RPH3A: variants seen among roughly 807,000 people sequenced by gnomAD.
RPH3A encodes rabphilin 3A, also known as rabphilin-3A.
In RPH3A, 48 loss-of-function variants were observed where a neutral mutation model predicts 102.2. The ratio of observed to expected loss-of-function variants is 0.47; its 90% CI spans 0.37 to 0.60. The LOEUF (loss-of-function observed/expected upper bound fraction) is 0.60, where lower values mean the gene tolerates loss of function less well. Among genes scored for constraint, RPH3A ranks in the 20% least tolerant of loss-of-function variants. RPH3A has a pLI of 0.00. For missense variants in RPH3A, 781 were observed against 910.1 expected (o/e 0.86, Z 1.83); for synonymous variants, 310 against 324.3 (o/e 0.96, Z 0.47).
intron 1 of RPH3A, among the ~76,000 whole-genome samples, chr12:112,660,074 A>C (rs543169188): frequency 2.0e-5 from 3 of 152,332 alleles, no homozygotes; most frequent in African/African-American, 7.2e-5. Context: ...ATGGATATGA[A>C]TATATAAGCA....
At chr12:112,675,051 G>T (rs888922087) in intron 1 of RPH3A, among the ~76,000 whole-genome samples, 65 of 152,192 alleles carry the variant, frequency 4.3e-4, no homozygotes, top group Non-Finnish European at 6.9e-4. Flanking sequence ...GGCAGCCTTT[G>T]CAGAAGCATT....
intron 1 of RPH3A, among the ~76,000 whole-genome samples, chr12:112,777,450 C>T (rs10744783): frequency 0.8 from 121,337 of 152,194 alleles, 48,418 homozygotes; most frequent in African/African-American, 0.84. Context: ...TGAATGCAGA[C>T]GCCACTGTGT....
chr12:112,825,694 C>A (rs2041856819), intron 2 of RPH3A, among the ~76,000 whole-genome samples: 1 of 152,110 alleles, frequency 6.6e-6, no homozygotes, highest in Non-Finnish European at 1.5e-5. Context: ...AGACTCTATG[C>A]TAGTGTTGGA....
intron 1 of RPH3A, among the ~76,000 whole-genome samples, chr12:112,640,182 G>A (rs576066900): frequency 4.8e-4 from 72 of 151,218 alleles, no homozygotes; most frequent in African/African-American, 1.7e-3. Flanking sequence ...AAAATCAGCC[G>A]GGCGTGGTGG....
chr12:112,730,945 A>T (rs1171725412), intron 1 of RPH3A, among the ~76,000 whole-genome samples: 2 of 152,202 alleles, frequency 1.3e-5, no homozygotes, highest in African/African-American at 4.8e-5. Context: ...CAGCTCTTGT[A>T]GGCTGCTACA....
intron 1 of RPH3A, among the ~76,000 whole-genome samples, chr12:112,656,310 T>A (rs1721635273): frequency 6.6e-6 from 1 of 152,254 alleles, no homozygotes; most frequent in Non-Finnish European, 1.5e-5. Context: ...TCCTTTGACG[T>A]CATAGATAAA....
intron 19 of RPH3A, chr12:112,893,250 T>G (rs1459590392): frequency 6.6e-6 from 1 of 152,234 alleles, no homozygotes; most frequent in African/African-American, 2.4e-5. Context: ...AAGCCAGAAC[T>G]TCCCATTATT....
Position 112,654,908 on chromosome 12 carries a change from C to T in RPH3A, c.-140+79589C>T, listed in dbSNP as rs117017398. ...GAGCATTATCAACACTAAGCAAAAT[C>T]GTGAAAGGCTTGTTCTTCTCCTCTA... On this transcript the variant is annotated intron_variant, in intron 1 of 21. Coordinates refer to the RPH3A transcript ENST00000543106. 2.4e-3 allele frequency among the ~76,000 whole-genome samples: 358 copies of T among 152,296 alleles called. 1 individual carries two copies. Among genetic ancestry groups the T allele is most frequent in the Non-Finnish European group, 2.6e-3 (177 of 68,026 alleles).
At chr12:112,645,710 T>C (rs922902683) in intron 1 of RPH3A, among the ~76,000 whole-genome samples, 4 of 152,188 alleles carry the variant, frequency 2.6e-5, no homozygotes, top group African/African-American at 9.6e-5. Flanking sequence ...GTCTCTTAAG[T>C]ATCTTCACAG....
chr12:112,854,524 T>C (rs1378503371), intron 5 of RPH3A, among the ~76,000 whole-genome samples: 1 of 152,238 alleles, frequency 6.6e-6, no homozygotes, highest in Non-Finnish European at 1.5e-5. Context: ...GTTTAGCAGC[T>C]TGCCCAGAGT....
At position 112,593,214 on chromosome 12, in the gene RPH3A, G is replaced by A. The variant is rs571865119; in HGVS notation, c.-140+17895G>A. Among the ~76,000 whole-genome samples, 3 of 152,286 alleles carry A rather than the reference G, an allele frequency of 2.0e-5. No homozygotes were observed. In the South Asian group the frequency reaches 6.2e-4, roughly 32 times the overall value. The stretch of plus-strand genomic sequence containing the variant: ...ACAGTCATCTGTAAACCAGAAAGGG[G>A]ATGCTCACCGGAACCCAATCTGCTG... On this transcript the variant is annotated intron_variant, in intron 1 of 21. Transcript: ENST00000543106.
At chr12:112,657,536 G>A (rs983413535) in intron 1 of RPH3A, among the ~76,000 whole-genome samples, 4 of 151,954 alleles carry the variant, frequency 2.6e-5, no homozygotes, top group African/African-American at 9.7e-5. Context: ...CAACATCACC[G>A]CAAGCAAATG....
intron 1 of RPH3A, among the ~76,000 whole-genome samples, chr12:112,684,361 C>T (rs971248047): frequency 3.3e-5 from 5 of 152,040 alleles, no homozygotes; most frequent in Admixed American, 2.0e-4. Context: ...TGGGTTCAGG[C>T]GATTCTCCTG....
intron 1 of RPH3A, among the ~76,000 whole-genome samples, chr12:112,778,667 C>T (rs1186518043): frequency 6.6e-6 from 1 of 152,148 alleles, no homozygotes; most frequent in Non-Finnish European, 1.5e-5. Flanking sequence ...TCTTACATTG[C>T]TCTCTCTCTT....
At chr12:112,586,828 C>T (rs1311091259) in intron 1 of RPH3A, among the ~76,000 whole-genome samples, 1 of 152,132 alleles carries the variant, frequency 6.6e-6, no homozygotes, top group East Asian at 1.9e-4. Context: ...AGGATTTGGA[C>T]CTCAGGGTGA....
chr12:112,897,668 C>T lies in RPH3A; in HGVS notation c.*888C>T, dbSNP rs1781938196. ...ACCTAGCCTCACCCCCTTGCTCTCA[C>T]CAGCCTGACCAGGAAACTGAGAAAC... On this transcript the variant is annotated 3_prime_UTR_variant, in exon 22 of 22. Coordinates refer to ENST00000389385, the MANE Select transcript of RPH3A (RefSeq NM_001143854.2). 1 of 152,442 alleles carries T rather than the reference C, an allele frequency of 6.6e-6. No individual in the cohort carries two copies. The highest frequency in any genetic ancestry group is 3.1e-3 in the Middle Eastern group (1 of 318). 9.4% of individuals were successfully genotyped at this position (152,442 alleles called of 1,614,324 possible).
rs543723257 is a variant in RPH3A, at chr12:112,697,040, A to G, written c.-139-95103A>G. 2.6e-5 allele frequency among the ~76,000 whole-genome samples: 4 copies of G among 152,316 alleles called. No homozygotes were observed. In the South Asian group the frequency reaches 6.2e-4, roughly 24 times the overall value. On this transcript the variant is annotated intron_variant, in intron 1 of 21. Coordinates refer to the RPH3A transcript ENST00000543106. ...AAATCTACAAGTAATATCATACTTA[A>G]TAACTGACTACTGAAAGCTTTTCCT... is the stretch of plus-strand genomic sequence containing the variant.
At position 112,702,129 on chromosome 12, in the gene RPH3A, G is replaced by A. The variant is rs76255411; in HGVS notation, c.-139-90014G>A. On this transcript the variant is annotated intron_variant, in intron 1 of 21. Transcript: ENST00000543106. ...AAAAGTTGCCATCAGATGCAGATAA[G>A]CTGGCTCAGTTTCAGTGTTATTTTG... is the stretch of plus-strand genomic sequence containing the variant. Among the ~76,000 whole-genome samples, 87 of 152,326 alleles carry A rather than the reference G, an allele frequency of 5.7e-4. 1 individual carries two copies. The East Asian group carries it at 0.016, about 28-fold the overall frequency.
intron 1 of RPH3A, among the ~76,000 whole-genome samples, chr12:112,674,777 G>A (rs1011144612): frequency 1.3e-5 from 2 of 152,180 alleles, no homozygotes; most frequent in African/African-American, 4.8e-5. Flanking sequence ...AGAAGCCCGT[G>A]CAACAGAGGC....
Sources: gnomAD v4.1 joint callset for allele counts (sites outside exome capture counted in the v4.1 genomes callset) on GRCh38, gnomAD v4.1.1 for gene constraint, MANE v1.5 for transcripts, NCBI Gene and HGNC (gene_info 2026-07-23, HGNC 2026-07-21) for gene names.